PSCA: variants seen among roughly 807,000 people sequenced by gnomAD.
The protein encoded by PSCA is prostate stem cell antigen.
In PSCA, 7 loss-of-function variants were observed where a neutral mutation model predicts 7.9. That is an observed-to-expected ratio of 0.89 (90% confidence interval 0.51 to 1.67). The LOEUF (loss-of-function observed/expected upper bound fraction) is 1.67, where lower values mean the gene tolerates loss of function less well. PSCA is among the 40% of genes most tolerant of loss of function. PSCA has a pLI of 0.00. For missense variants in PSCA, 151 were observed against 147.9 expected, an observed-to-expected ratio of 1.02 and a Z score of -0.11; for synonymous variants, 61 against 68.3, an observed-to-expected ratio of 0.89 and a Z score of 0.53.
chr8:142,682,560 G>C lies in PSCA; in HGVS notation c.*428G>C, dbSNP rs782036717. The C allele has an allele frequency of 2.4e-6, 1 of 416,266 alleles. No homozygotes were observed. The highest frequency in any genetic ancestry group is 1.8e-5 in the South Asian group (1 of 55,614). The allele number at this position is 416,266 out of a possible 1,614,324, so 25.8% of individuals were successfully genotyped here. On this transcript the variant is annotated 3_prime_UTR_variant, in exon 3 of 3. Transcript: ENST00000301258. Reference sequence around the variant, plus strand: ...GGCCCGGTAAAGGCTGAGATGAAGTGGACTGAGTAGAACTGGAGGACAGGA... The same window carrying C: ...GGCCCGGTAAAGGCTGAGATGAAGTCGACTGAGTAGAACTGGAGGACAGGA...
intron 1 of PSCA, among the ~76,000 whole-genome samples, chr8:142,671,632 G>A (rs1563802052): frequency 1.3e-5 from 2 of 152,142 alleles, no homozygotes; most frequent in Non-Finnish European, 2.9e-5. Flanking sequence ...CCTCACCGCA[G>A]CTTCAACCTC....
intron 1 of PSCA, among the ~76,000 whole-genome samples, chr8:142,674,980 G>A (rs587763323): frequency 3.3e-5 from 5 of 152,354 alleles, no homozygotes; most frequent in South Asian, 2.1e-4. Flanking sequence ...GTCATCCCCC[G>A]TGCCTGCTAT....
upstream of PSCA, chr8:142,676,755 G>A (rs1369049270): frequency 1.3e-5 from 2 of 152,200 alleles, no homozygotes; most frequent in Admixed American, 1.3e-4. Context: ...ATCAAGACAG[G>A]GGAATCACAA....
chr8:142,675,874 T>C (rs1308461784), upstream of PSCA: 1 of 152,232 alleles, frequency 6.6e-6, no homozygotes, highest in African/African-American at 2.4e-5. Flanking sequence ...AAAGCAAAGA[T>C]GCTAAAAACT....
At chr8:142,676,801 C>T (rs781796916), upstream of PSCA, among the ~76,000 whole-genome samples, 3 of 152,208 alleles carry the variant, frequency 2.0e-5, no homozygotes, top group Non-Finnish European at 4.4e-5. Flanking sequence ...AGCCAGCTGA[C>T]CGGGAGACTG....
upstream of PSCA, among the ~76,000 whole-genome samples, chr8:142,678,499 A>G (rs1256002705): frequency 1.3e-5 from 2 of 152,240 alleles, no homozygotes; most frequent in African/African-American, 4.8e-5. Flanking sequence ...AAAGCCAGCC[A>G]GCAGCAGGAA....
At position 142,682,681 on chromosome 8, in the gene PSCA, C is replaced by A; in HGVS notation, c.*549C>A. The A allele has an allele frequency of 2.9e-6, 1 of 345,252 alleles. No homozygotes were observed. The highest frequency in any genetic ancestry group is 5.8e-6 in the Non-Finnish European group (1 of 173,136). 21.4% of individuals were successfully genotyped at this position (345,252 alleles called of 1,614,324 possible). On this transcript the variant is annotated 3_prime_UTR_variant, in exon 3 of 3. Coordinates refer to ENST00000301258, the MANE Select transcript of PSCA (RefSeq NM_005672.5). ...TTCGTGGGGCTCCCTGAATGGCAGC[C>A]TCAGCACAGCGTAGGCCCTTAATAA...
At chr8:142,676,505 T>G (rs587713140), upstream of PSCA, 19 of 152,400 alleles carry the variant, frequency 1.2e-4, no homozygotes, top group African/African-American at 4.3e-4. Flanking sequence ...TGGGTGCTGC[T>G]GGTGGGGAGT....
At chr8:142,671,534 AC>A (rs1847326570) in intron 1 of PSCA, among the ~76,000 whole-genome samples, 1 of 152,206 alleles carries the variant, frequency 6.6e-6, no homozygotes, top group South Asian at 2.1e-4. Flanking sequence ...ATAAACAAAT[AC>A]AGATTTGGGT....
chr8:142,682,335 T>A lies in PSCA; in HGVS notation c.*203T>A. 1 of 722,756 alleles carries A rather than the reference T, an allele frequency of 1.4e-6. No individual in the cohort carries two copies. The highest frequency in any genetic ancestry group is 2.5e-6 in the Non-Finnish European group (1 of 405,336). 44.8% of individuals were successfully genotyped at this position (722,756 alleles called of 1,614,324 possible). A position where few individuals can be genotyped will look rare whatever the true frequency, so the allele number is the denominator to read the frequency against. On this transcript the variant is annotated 3_prime_UTR_variant, in exon 3 of 3. Transcript: ENST00000301258. ...CAGGACTCCCACCCGGCAGATCGGC[T>A]CTATTGACACAGATCCGCCTGCAGA...
chr8:142,672,973 A>G (rs148328550), intron 1 of PSCA, among the ~76,000 whole-genome samples: 206 of 152,336 alleles, frequency 1.4e-3, no homozygotes, highest in African/African-American at 4.7e-3. Context: ...TCCTTGCTGT[A>G]CACATGGCTG....
rs1398101205 is a variant in PSCA at position 142,681,384 on chromosome 8, A to G, written c.83A>G (p.Gln28Arg). Residue 28 changes from glutamine to arginine, a missense_variant, in exon 2 of 3, where the codon CAG becomes CGG. Gln to Arg is a conservative substitution (Grantham distance 43, BLOSUM62 1). Coordinates refer to ENST00000301258, the MANE Select transcript of PSCA (RefSeq NM_005672.5). ...CAGGTGAGCAACGAGGACTGCCTGC[A>G]GGTGGAGAACTGCACCCAGCTGGGG... ...KAQVSNEDCLQVENCTQLGEQ... is the reference protein window; with the variant it reads ...KAQVSNEDCLRVENCTQLGEQ... 3.1e-6 allele frequency: 5 copies of G among 1,592,296 alleles called. No individual in the cohort carries two copies. The highest frequency in any genetic ancestry group is 4.3e-6 in the Non-Finnish European group (5 of 1,169,762).
chr8:142,675,560 CACA>C (rs1847389858), upstream of PSCA, among the ~76,000 whole-genome samples: 1 of 152,222 alleles, frequency 6.6e-6, no homozygotes, highest in Admixed American at 6.5e-5. Flanking sequence ...CTTTTGCTTA[CACA>C]ACACACAACC....
chr8:142,680,534 T>G lies in PSCA; in HGVS notation c.-5T>G, dbSNP rs782576824. The G allele has an allele frequency of 1.6e-5, 25 of 1,554,354 alleles. No homozygotes were observed. The South Asian group carries it at 2.8e-4, about 18-fold the overall frequency. ...ACCACGAAGGCTGTGCTGCTTGCCC[T>G]GTTGATGGCAGGCTTGGCCCTGCAG... On this transcript the variant is annotated 5_prime_UTR_variant, in exon 1 of 3. Transcript: ENST00000301258.
chr8:142,678,526 G>T (rs1247469319), upstream of PSCA, among the ~76,000 whole-genome samples: 2 of 152,246 alleles, frequency 1.3e-5, no homozygotes, highest in Non-Finnish European at 2.9e-5. Context: ...AGCCCCTCGG[G>T]CTTGCAGGGA....
chr8:142,673,460 G>A lies in PSCA; in HGVS notation n.261+2892G>A, dbSNP rs1368751677. Among the ~76,000 whole-genome samples, 2 of 152,234 alleles carry A rather than the reference G, an allele frequency of 1.3e-5. No individual in the cohort carries two copies. Among genetic ancestry groups the A allele is most frequent in the African/African-American group, 2.4e-5 (1 of 41,470 alleles). On this transcript the variant is annotated intron_variant and non_coding_transcript_variant, in intron 1 of 1. Transcript: ENST00000505305. The surrounding 1 kb of genome is among the most constrained non-coding windows in gnomAD (Gnocchi z 4.6). ...AGAAAGAGAGGAAGAAAATACACTA[G>A]CGTGTAATCACCCAGTGGGTTCATT... is the stretch of plus-strand genomic sequence containing the variant.
In PSCA at chr8:142,681,477, C is replaced by T. The variant is rs587759991; in HGVS notation, c.133+43C>T. 5.2e-5 allele frequency: 78 copies of T among 1,499,432 alleles called. No individual in the cohort carries two copies. The South Asian group carries it at 8.2e-4, about 16-fold the overall frequency. The allele number at this position is 1,499,432 out of a possible 1,614,324, so 92.9% of individuals were successfully genotyped here. A position where few individuals can be genotyped will look rare whatever the true frequency, so the allele number is the denominator to read the frequency against. On this transcript the variant is annotated intron_variant, in intron 2 of 2. Coordinates refer to ENST00000301258, the MANE Select transcript of PSCA (RefSeq NM_005672.5). Reference sequence around the variant, plus strand: ...AGCCGCCAGGCCTAGGTCTCTGCCACTGAACTATTAATCTTTCTGGCCATC... The same window carrying T: ...AGCCGCCAGGCCTAGGTCTCTGCCATTGAACTATTAATCTTTCTGGCCATC...
At chr8:142,681,501 T>G in intron 2 of PSCA, 67 bp downstream of exon 2, 16 of 1,364,500 alleles carry the variant, frequency 1.2e-5, no homozygotes, top group East Asian at 2.5e-5. Context: ...TTTCTGGCCA[T>G]CTGTCCGCAT....
At chr8:142,674,063 G>A (rs1847367143) in intron 1 of PSCA, among the ~76,000 whole-genome samples, 1 of 150,312 alleles carries the variant, frequency 6.7e-6, no homozygotes, top group African/African-American at 2.5e-5. Context: ...CCTCAGCAGA[G>A]CTCAGATCCC....
Sources: gnomAD v4.1 joint callset for allele counts (sites outside exome capture counted in the v4.1 genomes callset) on GRCh38, gnomAD v4.1.1 for gene constraint, Gnocchi (gnomAD v3.1) non-coding constraint, MANE v1.5 for transcripts, NCBI Gene and HGNC (gene_info 2026-07-23, HGNC 2026-07-21) for gene names.